TK2: variants seen among roughly 807,000 people sequenced by gnomAD.
TK2 encodes the protein thymidine kinase 2, mitochondrial.
TK2 carries 35 observed loss-of-function variants against 41.9 expected under a neutral mutation model. The observed-to-expected ratio is 0.84, with a 90% CI of 0.64 to 1.11. TK2 has a LOEUF of 1.11. Ranked by LOEUF, TK2 falls within the 50% of genes least tolerant of loss-of-function variation. The pLI is 0.00. For missense variants in TK2, 320 were observed against 351.1 expected (o/e 0.91, Z 0.71); for synonymous variants, 128 against 129.1 (o/e 0.99, Z 0.06).
intron 2 of TK2, among the ~76,000 whole-genome samples, chr16:66,544,713 G>A (rs909017757): frequency 6.6e-6 from 1 of 152,194 alleles, no homozygotes; most frequent in African/African-American, 2.4e-5. Context: ...CTGAAACTGT[G>A]ATGAGCCATC....
At chr16:66,519,794 G>A (rs867131245) in intron 6 of TK2, among the ~76,000 whole-genome samples, 1 of 152,344 alleles carries the variant, frequency 6.6e-6, no homozygotes, top group Middle Eastern at 3.4e-3. Context: ...TGGGGGAGTG[G>A]CCGTACCTGA....
rs903938448 is a variant in TK2, at chr16:66,511,846, T to C, written c.*122A>G. The C allele has an allele frequency of 3.7e-6, 3 of 810,294 alleles. No homozygotes were observed. The highest frequency in any genetic ancestry group is 1.7e-5 in the African/African-American group (1 of 59,506). The allele number at this position is 810,294 out of a possible 1,614,324, so 50.2% of individuals were successfully genotyped here. A position where few individuals can be genotyped will look rare whatever the true frequency, so the allele number is the denominator to read the frequency against. ...ACACTAGCAAAGGAGATGAGACCAT[T>C]AGGAAAATCAAGCTGGCCAGACACA... On this transcript the variant is annotated 3_prime_UTR_variant, in exon 10 of 10. Transcript: ENST00000544898.
intron 6 of TK2, among the ~76,000 whole-genome samples, chr16:66,522,758 G>A (rs1216285676): frequency 6.6e-6 from 1 of 152,170 alleles, no homozygotes; most frequent in South Asian, 2.1e-4. Flanking sequence ...CAGCTACTCG[G>A]GAGGCTGAGG....
chr16:66,543,930 A>C (rs1175900074), intron 2 of TK2, among the ~76,000 whole-genome samples: 1 of 152,160 alleles, frequency 6.6e-6, no homozygotes, highest in Non-Finnish European at 1.5e-5. Context: ...AATGAACAAA[A>C]GGGCATGAAA....
At chr16:66,539,227 T>C (rs530899783) in intron 3 of TK2, among the ~76,000 whole-genome samples, 2 of 152,024 alleles carry the variant, frequency 1.3e-5, no homozygotes, top group Non-Finnish European at 2.9e-5. Flanking sequence ...GGTTTGATGA[T>C]TCATGAGAAC....
intron 8 of TK2, among the ~76,000 whole-genome samples, chr16:66,515,035 C>G (rs1185552850): frequency 6.6e-6 from 1 of 152,096 alleles, no homozygotes; most frequent in Non-Finnish European, 1.5e-5. Context: ...CTGCGGAAGG[C>G]GGCAGGGCCC....
chr16:66,547,094 C>G (rs956796289), intron 2 of TK2, among the ~76,000 whole-genome samples: 6 of 152,124 alleles, frequency 3.9e-5, no homozygotes, highest in African/African-American at 1.4e-4. Flanking sequence ...TATTAAAAAA[C>G]TTTGTTGTGA....
At position 66,508,426 on chromosome 16, in the gene TK2, T is replaced by G. The variant is rs1048825594; in HGVS notation, c.*3542A>C. On this transcript the variant is annotated 3_prime_UTR_variant, in exon 10 of 10. Transcript: ENST00000544898. ...CCCAGGGCAGCCAGGGATGTATTAT[T>G]GCTATTCCATTCTGAACAATGGATG... 1.3e-5 allele frequency: 2 copies of G among 152,278 alleles called. No homozygotes were observed. Among genetic ancestry groups the G allele is most frequent in the African/African-American group, 4.8e-5 (2 of 41,468 alleles). The allele number at this position is 152,278 out of a possible 1,614,324, so 9.4% of individuals were successfully genotyped here. A position where few individuals can be genotyped will look rare whatever the true frequency, so the allele number is the denominator to read the frequency against.
At chr16:66,534,118 G>A (rs916425830) in intron 4 of TK2, among the ~76,000 whole-genome samples, 7 of 150,936 alleles carry the variant, frequency 4.6e-5, no homozygotes, top group Admixed American at 4.6e-4. Context: ...GTGGCTTTAT[G>A]AGAAAAGGGA....
chr16:66,536,995 T>G lies in TK2; in HGVS notation c.254A>C (p.Lys85Thr). The G allele has an allele frequency of 1.2e-6, 2 of 1,614,006 alleles. No individual in the cohort carries two copies. Among genetic ancestry groups the G allele is most frequent in the South Asian group, 1.1e-5 (1 of 91,072 alleles). The change falls in exon 4 of 10, where the codon AAG (lysine) becomes ACG (threonine). Residue 85 changes from lysine to threonine, a missense_variant. Lys to Thr is a moderately conservative substitution (Grantham distance 78, BLOSUM62 -1). Transcript: ENST00000544898. ...DVEVLTEPVS[K>T]WRNVRGHNPL... Reference sequence around the variant, plus strand: ...ATTGTGGCCACGGACATTTCTCCACTTGGACACAGGCTCCGTTAACACCTG... The same window carrying G: ...ATTGTGGCCACGGACATTTCTCCACGTGGACACAGGCTCCGTTAACACCTG...
In TK2 at chr16:66,517,123, A is replaced by G. The variant is rs1285208167; in HGVS notation, c.618+13T>C. On this transcript the variant is annotated intron_variant, in intron 8 of 9. Transcript: ENST00000544898. The surrounding 1 kb of genome is among the most constrained non-coding windows in gnomAD (Gnocchi z 4.3). Reference sequence around the variant, plus strand: ...CCCAGTTTGTCTTTAACCAAGTCAAAGAGGCCTCTTACCAGCGGAATGACC... The same window carrying G: ...CCCAGTTTGTCTTTAACCAAGTCAAGGAGGCCTCTTACCAGCGGAATGACC... 6.2e-7 allele frequency: 1 copy of G among 1,613,458 alleles called. No individual in the cohort carries two copies. Among genetic ancestry groups the G allele is most frequent in the Admixed American group, 1.7e-5 (1 of 60,002 alleles).
intron 6 of TK2, chr16:66,518,176 G>T: frequency 2.4e-6 from 1 of 418,728 alleles, no homozygotes; most frequent in Non-Finnish European, 4.5e-6. Context: ...TGTACCCTGA[G>T]AACAGAGACA....
At chr16:66,533,689 T>G (rs1263455827) in intron 4 of TK2, among the ~76,000 whole-genome samples, 5 of 152,222 alleles carry the variant, frequency 3.3e-5, no homozygotes, top group Non-Finnish European at 7.4e-5. Flanking sequence ...CATGTGGCAG[T>G]ATGTAGCAGG....
rs190025218 is a variant in TK2, at chr16:66,545,239, A to G, written c.157-3286T>C. On this transcript the variant is annotated intron_variant, in intron 2 of 9. Coordinates refer to ENST00000544898, the MANE Select transcript of TK2 (RefSeq NM_004614.5). Reference sequence around the variant, plus strand: ...CTTATTACACAATCCCTAAAAGAAGAAAATAAAAATCACTCGTAAATCTCA... The same window carrying G: ...CTTATTACACAATCCCTAAAAGAAGGAAATAAAAATCACTCGTAAATCTCA... Among the ~76,000 whole-genome samples the G allele has an allele frequency of 3.7e-4, 57 of 152,328 alleles. 1 individual carries two copies. The highest frequency in any genetic ancestry group is 8.3e-4 in the South Asian group (4 of 4,824).
At chr16:66,549,447 G>A in intron 1 of TK2, 4 of 1,058,404 alleles carry the variant, frequency 3.8e-6, no homozygotes, top group Non-Finnish European at 4.6e-6. Context: ...TGGTTCTGAG[G>A]CGTCTCTCAA....
rs1476654293 is a variant in TK2, at chr16:66,550,079, C to A, written c.-18G>T. On this transcript the variant is annotated 5_prime_UTR_variant, in exon 1 of 10. Transcript: ENST00000544898. Reference sequence around the variant, plus strand: ...AGCAGCATAGCCGGGCGAGCGGATCCAGAGGCCCGGGGTTCCTTCTTGTGC... The same window carrying A: ...AGCAGCATAGCCGGGCGAGCGGATCAAGAGGCCCGGGGTTCCTTCTTGTGC... 1 of 1,598,442 alleles carries A rather than the reference C, an allele frequency of 6.3e-7. No individual in the cohort carries two copies. Among genetic ancestry groups the A allele is most frequent in the Non-Finnish European group, 8.5e-7 (1 of 1,174,008 alleles).
intron 4 of TK2, among the ~76,000 whole-genome samples, chr16:66,534,243 C>A (rs973834949): frequency 6.6e-6 from 1 of 152,074 alleles, no homozygotes; most frequent in East Asian, 1.9e-4. Context: ...CCCCTTCAAC[C>A]CTGGACTTCT....
intron 2 of TK2, chr16:66,546,585 G>T (rs1965614279): frequency 6.6e-6 from 1 of 150,642 alleles, no homozygotes. Flanking sequence ...TTTCATTTGG[G>T]ATCATACTTC....
At chr16:66,532,210 A>C (rs2144413054) in intron 4 of TK2, among the ~76,000 whole-genome samples, 1 of 152,304 alleles carries the variant, frequency 6.6e-6, no homozygotes, top group Admixed American at 6.5e-5. Context: ...ACCACAGGAT[A>C]CAAATCAACA....
Sources: allele counts gnomAD v4.1 joint callset (sites outside exome capture counted in the v4.1 genomes callset), GRCh38; gene constraint gnomAD v4.1.1; non-coding constraint Gnocchi (gnomAD v3.1); transcripts MANE v1.5; gene names NCBI Gene and HGNC (gene_info 2026-07-23, HGNC 2026-07-21).